Variants in LUZP2 observed in about 807,000 individuals in gnomAD.
The protein encoded by LUZP2 is leucine zipper protein 2.
Under a neutral mutation model 51.6 loss-of-function variants are expected in LUZP2, and 52 were observed. The observed-to-expected ratio is 1.01, with a 90% CI of 0.81 to 1.27. The LOEUF is 1.27. LUZP2 is among the 50% of genes most tolerant of loss of function. LUZP2 has a pLI of 0.00. For synonymous variants in LUZP2, 154 were observed against 137.3 expected (o/e 1.12, Z -0.85); for missense variants, 436 against 395.4 (o/e 1.10, Z -0.87).
intron 5 of LUZP2, among the ~76,000 whole-genome samples, chr11:24,772,689 T>C (rs535796863): frequency 1.3e-5 from 2 of 152,264 alleles, no homozygotes; most frequent in African/African-American, 4.8e-5. Flanking sequence ...AGGAATTTCC[T>C]GTCTCTCAAT....
At chr11:24,870,781 C>A (rs796301858) in intron 5 of LUZP2, among the ~76,000 whole-genome samples, 3 of 152,218 alleles carry the variant, frequency 2.0e-5, no homozygotes, top group African/African-American at 7.2e-5. Flanking sequence ...ATTGAAAACA[C>A]AAGATTCATT....
At chr11:24,936,810 C>A (rs975823336) in intron 7 of LUZP2, among the ~76,000 whole-genome samples, 1 of 152,082 alleles carries the variant, frequency 6.6e-6, no homozygotes, top group Non-Finnish European at 1.5e-5. Context: ...TTCACAATAA[C>A]CAACACATAT....
At chr11:24,557,463 T>A (rs927825836) in intron 1 of LUZP2, among the ~76,000 whole-genome samples, 9 of 152,260 alleles carry the variant, frequency 5.9e-5, no homozygotes, top group Admixed American at 1.3e-4. Context: ...TGAATAGACA[T>A]ATCTTATGAA....
At chr11:24,839,723 A>T (rs1850965668) in intron 5 of LUZP2, among the ~76,000 whole-genome samples, 1 of 151,696 alleles carries the variant, frequency 6.6e-6, no homozygotes, top group Admixed American at 6.6e-5. Context: ...TAGTTAAGAT[A>T]CAGAACACTC....
chr11:24,824,965 G>C (rs77249303), intron 5 of LUZP2, among the ~76,000 whole-genome samples: 1 of 151,762 alleles, frequency 6.6e-6, no homozygotes, highest in East Asian at 1.9e-4. Flanking sequence ...TATATTTCAC[G>C]TGAGCTTTAT....
intron 10 of LUZP2, among the ~76,000 whole-genome samples, chr11:25,066,993 A>G (rs532836490): frequency 6.6e-6 from 1 of 151,976 alleles, no homozygotes; most frequent in Non-Finnish European, 1.5e-5. Context: ...TACAAAAGGT[A>G]TTGTCCTTGT....
intron 1 of LUZP2, among the ~76,000 whole-genome samples, chr11:24,689,424 T>C (rs150557054): frequency 9.8e-5 from 15 of 152,310 alleles, no homozygotes; most frequent in African/African-American, 3.4e-4. Context: ...TGTCTCTTAG[T>C]GCGTATGCTT....
chr11:24,699,808 A>T (rs1346712574), intron 1 of LUZP2, among the ~76,000 whole-genome samples: 1 of 149,690 alleles, frequency 6.7e-6, no homozygotes, highest in Non-Finnish European at 1.5e-5. Flanking sequence ...TAGAATAGAG[A>T]TGATATTTCA....
intron 5 of LUZP2, among the ~76,000 whole-genome samples, chr11:24,776,994 G>GTTT (rs34070504): frequency 2.9e-4 from 40 of 136,774 alleles, no homozygotes; most frequent in African/African-American, 6.2e-4. Context: ...ACTGTAAGTA[G>GTTT]TTTTTTTTTT....
chr11:24,729,166 TAGAC>T lies in LUZP2; in HGVS notation c.63_66del (p.Gln22ThrfsTer5). The T allele has an allele frequency of 1.3e-6, 2 of 1,511,294 alleles. No homozygotes were observed. The highest frequency in any genetic ancestry group is 1.8e-6 in the Non-Finnish European group (2 of 1,113,106). 93.6% of individuals were successfully genotyped at this position (1,511,294 alleles called of 1,614,324 possible). A position where few individuals can be genotyped will look rare whatever the true frequency, so the allele number is the denominator to read the frequency against. On this transcript the variant is annotated splice_acceptor_variant and coding_sequence_variant, in exon 2 of 12. Transcript: ENST00000336930. LOFTEE classifies it high-confidence loss of function. Reference sequence around the variant, plus strand: ...GCTCTCATGCCTGTTCTTTCTGTGTTAGACAGGACTATGAAGAGCTAGAAAAGCA... The same window carrying T: ...GCTCTCATGCCTGTTCTTTCTGTGTTAGGACTATGAAGAGCTAGAAAAGCA...
intron 1 of LUZP2, among the ~76,000 whole-genome samples, chr11:24,657,945 C>A (rs1440121340): frequency 2.6e-5 from 4 of 152,190 alleles, no homozygotes; most frequent in Admixed American, 1.3e-4. Context: ...AAATGGAAGA[C>A]CATTCCATGC....
At chr11:24,710,425 CAG>C (rs1857766230) in intron 1 of LUZP2, among the ~76,000 whole-genome samples, 1 of 152,052 alleles carries the variant, frequency 6.6e-6, no homozygotes, top group African/African-American at 2.4e-5. Context: ...ACACATCAAA[CAG>C]AATGCAAAGC....
intron 1 of LUZP2, among the ~76,000 whole-genome samples, chr11:24,691,595 AT>A (rs1857068541): frequency 6.6e-6 from 1 of 151,914 alleles, no homozygotes; most frequent in African/African-American, 2.4e-5. Flanking sequence ...AAAACCTAGA[AT>A]TTGGAATATT....
chr11:24,767,792 G>A (rs950118393), intron 5 of LUZP2, among the ~76,000 whole-genome samples: 2 of 152,048 alleles, frequency 1.3e-5, no homozygotes, highest in Non-Finnish European at 2.9e-5. Context: ...GTTGCAAAAA[G>A]TATACAGTTT....
At chr11:24,540,526 C>G (rs1417322845) in intron 1 of LUZP2, among the ~76,000 whole-genome samples, 3 of 152,060 alleles carry the variant, frequency 2.0e-5, no homozygotes, top group Non-Finnish European at 4.4e-5. Context: ...CACCTGGAAC[C>G]AAATCAGCCT....
At chr11:24,538,599 A>G (rs1051411966) in intron 1 of LUZP2, among the ~76,000 whole-genome samples, 1 of 151,628 alleles carries the variant, frequency 6.6e-6, no homozygotes, top group African/African-American at 2.4e-5. Flanking sequence ...AAATTTCTAC[A>G]AAACTATTCT....
At chr11:24,636,570 C>T (rs1233717538) in intron 1 of LUZP2, among the ~76,000 whole-genome samples, 1 of 152,072 alleles carries the variant, frequency 6.6e-6, no homozygotes, top group Non-Finnish European at 1.5e-5. Context: ...AAACAATGAC[C>T]ACCACAGGGT....
At chr11:24,674,860 G>A (rs1471203554) in intron 1 of LUZP2, among the ~76,000 whole-genome samples, 1 of 152,118 alleles carries the variant, frequency 6.6e-6, no homozygotes, top group Non-Finnish European at 1.5e-5. Flanking sequence ...AGATGGGGTT[G>A]GATAAGAGGA....
intron 9 of LUZP2, among the ~76,000 whole-genome samples, chr11:25,025,077 T>A (rs979565086): frequency 6.6e-6 from 1 of 152,082 alleles, no homozygotes; most frequent in Non-Finnish European, 1.5e-5. Context: ...TGATGCTGGG[T>A]AAATTGCCTA....
Sources: allele counts gnomAD v4.1 joint callset (sites outside exome capture counted in the v4.1 genomes callset), GRCh38; gene constraint gnomAD v4.1.1; transcripts MANE v1.5; gene names NCBI Gene and HGNC (gene_info 2026-07-23, HGNC 2026-07-21).